The following KATNIP variants were observed in gnomAD, a reference collection of about 807,000 sequenced individuals.
The protein encoded by KATNIP is katanin-interacting protein.
In KATNIP, 126 loss-of-function variants were observed where a neutral mutation model predicts 174.0. The observed-to-expected ratio is 0.72, with a 90% CI of 0.63 to 0.84. KATNIP has a LOEUF of 0.84. Ranked by LOEUF, KATNIP falls within the 40% of genes least tolerant of loss-of-function variation. KATNIP has a pLI of 0.00. For missense variants in KATNIP, 1,958 were observed against 2,109.7 expected (o/e 0.93, Z 1.41); for synonymous variants, 810 against 835.7 (o/e 0.97, Z 0.53).
In KATNIP at chr16:27,701,630, C is replaced by T. The variant is rs778480629; in HGVS notation, c.1221C>T (p.Ala407=). The change falls in exon 11 of 28, where the codon GCC becomes GCT. Residue 407 remains alanine, a synonymous_variant. Transcript: ENST00000261588. The stretch of plus-strand genomic sequence containing the variant: ...CGGCGACTACTACTCAGGAGCCGGC[C>T]GGGGCAGCAGGAGGAGCCAGGGCCA... ...ITTATTTQEP[A]GAAGGARAIN... 1.6e-5 allele frequency: 26 copies of T among 1,607,100 alleles called. No individual in the cohort carries two copies. Among genetic ancestry groups the T allele is most frequent in the East Asian group, 1.6e-4 (7 of 44,730 alleles).
intron 7 of KATNIP, chr16:27,681,184 A>G: frequency 1.7e-6 from 1 of 572,350 alleles, no homozygotes; most frequent in Non-Finnish European, 3.2e-6. Flanking sequence ...AGAATCTTTT[A>G]TGTACTTACC....
intron 15 of KATNIP, among the ~76,000 whole-genome samples, chr16:27,741,214 A>G (rs2081096159): frequency 6.6e-6 from 1 of 152,138 alleles, no homozygotes; most frequent in African/African-American, 2.4e-5. Flanking sequence ...TTTCCAAAAG[A>G]CTTTGTTCTC....
At chr16:27,688,334 T>C (rs1217998312) in intron 8 of KATNIP, among the ~76,000 whole-genome samples, 1 of 152,182 alleles carries the variant, frequency 6.6e-6, no homozygotes, top group Admixed American at 6.5e-5. Flanking sequence ...GACTCACACC[T>C]GTAATCCCAG....
intron 23 of KATNIP, among the ~76,000 whole-genome samples, chr16:27,773,501 C>T (rs1202623959): frequency 6.6e-6 from 1 of 152,194 alleles, no homozygotes; most frequent in Non-Finnish European, 1.5e-5. Flanking sequence ...ACCACAGATA[C>T]TTTGGAGTTC....
chr16:27,676,378 A>T (rs1197438125), intron 6 of KATNIP, among the ~76,000 whole-genome samples: 1 of 152,062 alleles, frequency 6.6e-6, no homozygotes, highest in Non-Finnish European at 1.5e-5. Context: ...TATTTCTATC[A>T]TCGGTCTGTA....
chr16:27,698,459 C>T lies in KATNIP; in HGVS notation c.1072C>T (p.Leu358Phe). The change falls in exon 9 of 28, where the codon CTC becomes TTC. Residue 358 changes from leucine to phenylalanine, a missense_variant. Physicochemically the swap from Leu to Phe is conservative, Grantham distance 22. Around this residue, in one of 3 missense-constraint regions of KATNIP, gnomAD observed 1,557 missense variants for 1,617.8 expected, o/e 0.96. Transcript: ENST00000261588. ...GGAGAACGCAGCCCTGCAGAGGGCG[C>T]TCCTCAGCAGAAAGGCCGAGCAGCC... The part of the protein sequence containing the change: ...QVENAALQRA[L>F]LSRKAEQPAS... 1 of 1,612,626 alleles carries T rather than the reference C, an allele frequency of 6.2e-7. No homozygotes were observed. Among genetic ancestry groups the T allele is most frequent in the Non-Finnish European group, 8.5e-7 (1 of 1,179,382 alleles).
At chr16:27,755,491 C>G (rs1160455881) in intron 18 of KATNIP, 1 of 152,326 alleles carries the variant, frequency 6.6e-6, no homozygotes, top group East Asian at 1.9e-4. Flanking sequence ...AGGCCTCAGC[C>G]TGCTCCACAG....
At chr16:27,644,685 T>C (rs1768333503) in intron 5 of KATNIP, 1 of 152,158 alleles carries the variant, frequency 6.6e-6, no homozygotes, top group East Asian at 1.9e-4. Context: ...TATCTATTTA[T>C]TTTTTTAGAG....
At position 27,740,842 on chromosome 16, in the gene KATNIP, C is replaced by T. The variant is rs368708969; in HGVS notation, c.2545C>T (p.Arg849Cys). Residue 849 changes from arginine (R) to cysteine (C), a missense_variant, in exon 15 of 28, where the codon CGC becomes TGC. Coordinates refer to ENST00000261588, the MANE Select transcript of KATNIP (RefSeq NM_015202.5). The stretch of plus-strand genomic sequence containing the variant: ...CTTTAACCAGCCCCCCAACAGAGAG[C>T]GCCCTGCTAGTGGGAGGAGGGGCTC... The part of the protein sequence containing the change: ...DIFNQPPNRE[R>C]PASGRRGSRK... 1.3e-5 allele frequency: 21 copies of T among 1,612,770 alleles called. No individual in the cohort carries two copies. The highest frequency in any genetic ancestry group is 7.7e-5 in the South Asian group (7 of 90,782).
At chr16:27,553,914 A>G (rs946473862) in intron 1 of KATNIP, among the ~76,000 whole-genome samples, 1 of 150,462 alleles carries the variant, frequency 6.6e-6, no homozygotes, top group Non-Finnish European at 1.5e-5. Flanking sequence ...TGACTGTGCC[A>G]CTGCACTCCA....
chr16:27,716,054 A>G (rs926652145), intron 13 of KATNIP, among the ~76,000 whole-genome samples: 7 of 152,208 alleles, frequency 4.6e-5, no homozygotes, highest in Admixed American at 6.5e-5. Flanking sequence ...AAACAGCCAG[A>G]TGTCCATCAA....
intron 5 of KATNIP, chr16:27,643,445 T>A (rs142658118): frequency 6.6e-6 from 1 of 151,892 alleles, no homozygotes; most frequent in Non-Finnish European, 1.5e-5. Context: ...ACAAAAATTA[T>A]CTGGGCCTGG....
chr16:27,720,683 T>G (rs1487502975), intron 13 of KATNIP, among the ~76,000 whole-genome samples: 1 of 151,942 alleles, frequency 6.6e-6, no homozygotes, highest in Admixed American at 6.6e-5. Context: ...TGCAAGTAGC[T>G]GAGGGCACTT....
intron 8 of KATNIP, among the ~76,000 whole-genome samples, chr16:27,695,921 A>C (rs1043510225): frequency 7.2e-5 from 11 of 152,074 alleles, no homozygotes; most frequent in African/African-American, 2.2e-4. Context: ...CATCACCCCT[A>C]CCCATTCCCC....
intron 2 of KATNIP, among the ~76,000 whole-genome samples, chr16:27,616,827 A>T (rs1029785618): frequency 2.1e-5 from 3 of 141,678 alleles, no homozygotes; most frequent in African/African-American, 7.8e-5. Flanking sequence ...AGGCAGGAGG[A>T]TCACTTGAGC....
intron 15 of KATNIP, 62 bp from the exon 16 acceptor site, chr16:27,749,522 T>C (rs2081413779): frequency 6.7e-7 from 1 of 1,501,118 alleles, no homozygotes; most frequent in Non-Finnish European, 8.9e-7. Flanking sequence ...CAGTCTCTAA[T>C]GGTCCCCACT....
Position 27,740,671 on chromosome 16 carries a change from G to A in KATNIP, c.2374G>A (p.Asp792Asn), listed in dbSNP as rs762734990. Residue 792 changes from aspartate (D) to asparagine (N), a missense_variant, in exon 15 of 28, where the codon GAT (aspartate) becomes AAT (asparagine). Coordinates refer to ENST00000261588, the MANE Select transcript of KATNIP (RefSeq NM_015202.5). ...LAWKGRLPSD[D>N]VIGEGPGETE... Reference sequence around the variant, plus strand: ...CTGGAAGGGCAGGCTCCCATCAGACGATGTCATCGGTGAGGGTCCTGGAGA... The same window carrying A: ...CTGGAAGGGCAGGCTCCCATCAGACAATGTCATCGGTGAGGGTCCTGGAGA... 1.7e-5 allele frequency: 27 copies of A among 1,614,128 alleles called. No homozygotes were observed. Among genetic ancestry groups the A allele is most frequent in the Admixed American group, 5.0e-5 (3 of 60,030 alleles).
chr16:27,749,901 A>C lies in KATNIP; in HGVS notation c.2941A>C (p.Ile981Leu). Residue 981 changes from isoleucine (I) to leucine (L), a missense_variant, in exon 16 of 28, where the codon ATC becomes CTC. By Grantham distance (5) the Ile-to-Leu change is conservative (BLOSUM62 2). Coordinates refer to ENST00000261588, the MANE Select transcript of KATNIP (RefSeq NM_015202.5). ...TTATGGACAGCGCTTGGTCATTGACATCAAGTCTACCTGGGGGGACAGACA... is the reference window on the plus strand; with the variant it reads ...TTATGGACAGCGCTTGGTCATTGACCTCAAGTCTACCTGGGGGGACAGACA... ...LPYGQRLVID[I>L]KSTWGDRHYV... 6.2e-7 allele frequency: 1 copy of C among 1,614,206 alleles called. No individual in the cohort carries two copies. Among genetic ancestry groups the C allele is most frequent in the South Asian group, 1.1e-5 (1 of 91,086 alleles).
At chr16:27,713,832 ATATATATATATATATATATATATATC>A (rs1299002113) in intron 13 of KATNIP, among the ~76,000 whole-genome samples, 1,186 of 73,604 alleles carry the variant, frequency 0.016, 48 homozygotes, top group Non-Finnish European at 0.024. Context: ...ATATATATAT[ATATATATATATATATATATATATATC>A]TATCTCAGAT....
Sources: allele counts gnomAD v4.1 joint callset (sites outside exome capture counted in the v4.1 genomes callset), GRCh38; gene constraint gnomAD v4.1.1; regional missense constraint gnomAD v4.1.1; transcripts MANE v1.5; gene names NCBI Gene and HGNC (gene_info 2026-07-23, HGNC 2026-07-21).